The following TRANK1 variants were observed in gnomAD, a reference collection of about 807,000 sequenced individuals.
TRANK1 encodes the protein TPR and ankyrin repeat-containing protein 1.
In TRANK1, 198 loss-of-function variants were observed where a neutral mutation model predicts 266.0. The ratio of observed to expected loss-of-function variants is 0.74; its 90% CI spans 0.66 to 0.84. The LOEUF (loss-of-function observed/expected upper bound fraction) is 0.84, where lower values mean the gene tolerates loss of function less well. Among genes scored for constraint, TRANK1 ranks in the 40% least tolerant of loss-of-function variants. The pLI is 0.00. For synonymous variants in TRANK1, 1,396 were observed against 1,384.1 expected (o/e 1.01, Z -0.19); for missense variants, 3,326 against 3,634.6 (o/e 0.92, Z 2.18).
intron 3 of TRANK1, 50 bp from the exon 4 acceptor site, chr3:36,899,309 C>T: frequency 6.7e-7 from 1 of 1,499,710 alleles, no homozygotes. Flanking sequence ...CTCCTTTAAC[C>T]TGCTGGTGAA....
At position 36,883,862 on chromosome 3, in the gene TRANK1, G is replaced by C. The variant is rs112049411; in HGVS notation, c.907+5967C>G. ...ATACAAACACTAAAAAAATGAGTTT[G>C]AGTGTCCTACAAATTACTAACAAAA... On this transcript the variant is annotated intron_variant, in intron 8 of 23. Coordinates refer to ENST00000645898, the MANE Select transcript of TRANK1 (RefSeq NM_001329998.2). Among the ~76,000 whole-genome samples the C allele has an allele frequency of 8.8e-3, 1,345 of 152,266 alleles. 22 individuals are homozygous for C. The highest frequency in any genetic ancestry group is 0.031 in the African/African-American group (1,298 of 41,548).
chr3:36,828,238 T>G lies in TRANK1; in HGVS notation c.*37A>C. On this transcript the variant is annotated 3_prime_UTR_variant, in exon 24 of 24. Transcript: ENST00000645898. ...CTCAGAATTCTAAGTCAGAATGGAA[T>G]GTTCCGAAGGATGAGGAGGCTGCAG... The G allele has an allele frequency of 6.8e-7, 1 of 1,466,332 alleles. No homozygotes were observed. The highest frequency in any genetic ancestry group is 9.5e-7 in the Non-Finnish European group (1 of 1,055,226). 90.8% of individuals were successfully genotyped at this position (1,466,332 alleles called of 1,614,324 possible). A position where few individuals can be genotyped will look rare whatever the true frequency, so the allele number is the denominator to read the frequency against.
At chr3:36,945,671 C>T (rs2080563316), upstream of TRANK1, among the ~76,000 whole-genome samples, 1 of 152,174 alleles carries the variant, frequency 6.6e-6, no homozygotes, top group South Asian at 2.1e-4. Flanking sequence ...CCACCTCTGG[C>T]TGCTACCTCC....
intron 11 of TRANK1, among the ~76,000 whole-genome samples, chr3:36,859,406 C>T (rs2079104144): frequency 1.3e-5 from 2 of 152,006 alleles, no homozygotes; most frequent in African/African-American, 2.4e-5. Flanking sequence ...TCTCCTAATG[C>T]TATCCCTCCG....
intron 8 of TRANK1, among the ~76,000 whole-genome samples, chr3:36,879,321 A>T (rs1314955624): frequency 2.0e-5 from 3 of 151,756 alleles, no homozygotes; most frequent in East Asian, 1.9e-4. Context: ...CAGAGGAAAT[A>T]ATATACCATG....
intron 14 of TRANK1, 79 bp downstream of exon 14, chr3:36,852,067 T>C (rs558078309): frequency 1.1e-5 from 16 of 1,437,256 alleles, no homozygotes; most frequent in African/African-American, 1.4e-5. Context: ...TGCTACTTTG[T>C]GGTATAATTT....
intron 8 of TRANK1, 128 bp from the exon 9 acceptor site, chr3:36,874,424 G>A: frequency 9.8e-7 from 1 of 1,019,984 alleles, no homozygotes; most frequent in Non-Finnish European, 1.4e-6. Context: ...TTCTGTTTGT[G>A]GAGCCTGCAC....
At chr3:36,834,947 T>C in intron 20 of TRANK1, 40 bp from the exon 21 acceptor site, 2 of 1,534,414 alleles carry the variant, frequency 1.3e-6, no homozygotes, top group Admixed American at 2.1e-5. Flanking sequence ...AGAGTACTCA[T>C]GATTAACTTT....
rs561730653 is a variant in TRANK1, at chr3:36,837,694, C to A, written c.5517+678G>T. Among the ~76,000 whole-genome samples the A allele has an allele frequency of 5.9e-5, 9 of 152,332 alleles. No individual in the cohort carries two copies. In the East Asian group the frequency reaches 1.7e-3, roughly 29 times the overall value. ...AATGCCAAATGGCAATAAAAAAATT[C>A]TGCTTACTTTTATCTTCTGTGTTAA... is the stretch of plus-strand genomic sequence containing the variant. On this transcript the variant is annotated intron_variant, in intron 20 of 23. Transcript: ENST00000645898.
At position 36,866,236 on chromosome 3, in the gene TRANK1, C is replaced by T. The variant is rs143446842; in HGVS notation, c.1079-1756G>A. The stretch of plus-strand genomic sequence containing the variant: ...GAGAGCAGAACTGGACATTTATTTT[C>T]ACACCAAGTGAAAAGAGCCTGGCCC... On this transcript the variant is annotated intron_variant, in intron 9 of 23. Transcript: ENST00000645898. Among the ~76,000 whole-genome samples the T allele has an allele frequency of 3.9e-5, 6 of 152,264 alleles. No homozygotes were observed. The East Asian group carries it at 1.2e-3, about 29-fold the overall frequency.
chr3:36,906,430 T>G (rs562173110), intron 2 of TRANK1, among the ~76,000 whole-genome samples: 31 of 152,294 alleles, frequency 2.0e-4, no homozygotes, highest in Non-Finnish European at 4.0e-4. Context: ...TGAAAATACT[T>G]TCACAGTTGT....
intron 1 of TRANK1, among the ~76,000 whole-genome samples, chr3:36,919,592 A>G (rs751875770): frequency 8.5e-5 from 13 of 152,200 alleles, no homozygotes; most frequent in Non-Finnish European, 1.6e-4. Context: ...ATGATCCTGT[A>G]TATGTCTTTC....
At position 36,852,192 on chromosome 3, in the gene TRANK1, C is replaced by T. The variant is rs369910877; in HGVS notation, c.4703G>A (p.Arg1568Gln). The T allele has an allele frequency of 1.2e-5, 19 of 1,608,484 alleles. No homozygotes were observed. Among genetic ancestry groups the T allele is most frequent in the African/African-American group, 1.1e-4 (8 of 74,710 alleles). Residue 1568 changes from arginine (R) to glutamine (Q), a missense_variant, in exon 14 of 24, where the codon CGA becomes CAA. Arg to Gln is a conservative substitution (Grantham distance 43). Coordinates refer to ENST00000645898, the MANE Select transcript of TRANK1 (RefSeq NM_001329998.2). ...CSVSDLAILL[R>Q]GNKRKTQPIE... ...GGGCTGAGTTTTCCTTTTATTCCCT[C>T]GTAGCAAAATTGCCAAGTCGCTTAC...
At chr3:36,849,160 C>T (rs2078953972) in intron 15 of TRANK1, among the ~76,000 whole-genome samples, 1 of 152,078 alleles carries the variant, frequency 6.6e-6, no homozygotes, top group Non-Finnish European at 1.5e-5. Context: ...CTTTGAGGGG[C>T]CTATTCTCTA....
chr3:36,860,519 C>G (rs1268655993), intron 11 of TRANK1, among the ~76,000 whole-genome samples: 1 of 152,056 alleles, frequency 6.6e-6, no homozygotes, highest in Non-Finnish European at 1.5e-5. Context: ...AAGAATGTCA[C>G]AGGAGTAGAT....
chr3:36,851,040 G>A, intron 15 of TRANK1: 1 of 985,546 alleles, frequency 1.0e-6, no homozygotes, highest in Non-Finnish European at 1.2e-6. Flanking sequence ...CAGGACAACG[G>A]CTGTGAGTTG....
intron 20 of TRANK1, among the ~76,000 whole-genome samples, chr3:36,837,364 T>C (rs1459426342): frequency 6.6e-6 from 1 of 152,170 alleles, no homozygotes; most frequent in Non-Finnish European, 1.5e-5. Context: ...ATCCTCTTCT[T>C]CGCATTGACT....
chr3:36,832,801 A>C lies in TRANK1; in HGVS notation c.6782T>G (p.Met2261Arg). The change falls in exon 22 of 24, where the codon ATG becomes AGG. Residue 2261 changes from methionine to arginine, a missense_variant. By Grantham distance (91) the Met-to-Arg change is moderately conservative. Transcript: ENST00000645898. The part of the protein sequence containing the change: ...KEIDYILSTD[M>R]YGLCKSILDV... ...CAGAATGGACTTGCAAAGGCCATAC[A>C]TATCTGTAGACAAAATATAATCAAT... 1 of 1,614,050 alleles carries C rather than the reference A, an allele frequency of 6.2e-7. No homozygotes were observed. Among genetic ancestry groups the C allele is most frequent in the Non-Finnish European group, 8.5e-7 (1 of 1,179,890 alleles).
chr3:36,877,123 C>A (rs6550438), intron 8 of TRANK1, among the ~76,000 whole-genome samples: 50,242 of 152,060 alleles, frequency 0.33, 9,309 homozygotes, highest in East Asian at 0.57. Context: ...ATGTACCAAA[C>A]AATACTTAAG....
Sources: allele counts gnomAD v4.1 joint callset (sites outside exome capture counted in the v4.1 genomes callset), GRCh38; gene constraint gnomAD v4.1.1; transcripts MANE v1.5; gene names NCBI Gene and HGNC (gene_info 2026-07-23, HGNC 2026-07-21).